The following CEP135 variants were observed in gnomAD, a reference collection of about 807,000 sequenced individuals.
CEP135 encodes the protein centrosomal protein of 135 kDa.
CEP135 carries 142 observed loss-of-function variants against 157.3 expected under a neutral mutation model. That is an observed-to-expected ratio of 0.90 (90% CI 0.79 to 1.04). The LOEUF is 1.04. Ranked by LOEUF, CEP135 falls within the 50% of genes least tolerant of loss-of-function variation. The pLI, the probability that CEP135 is intolerant of heterozygous loss-of-function variation, is 0.00. For missense variants in CEP135, 1,317 were observed against 1,309.2 expected, an observed-to-expected ratio of 1.01 and a Z score of -0.09; for synonymous variants, 396 against 439.8, an observed-to-expected ratio of 0.90 and a Z score of 1.25.
At chr4:56,030,910 A>G (rs1383716178) in intron 25 of CEP135, among the ~76,000 whole-genome samples, 5 of 152,184 alleles carry the variant, frequency 3.3e-5, no homozygotes, top group African/African-American at 1.2e-4. Flanking sequence ...TGGGAGGCCA[A>G]AGTGAGAGGA....
chr4:55,997,320 G>C lies in CEP135; in HGVS notation c.2010-1982G>C, dbSNP rs527925328. Among the ~76,000 whole-genome samples the C allele has an allele frequency of 3.9e-5, 6 of 151,970 alleles. No individual in the cohort carries two copies. The East Asian group carries it at 1.2e-3, about 29-fold the overall frequency. ...TATAAAAAGACGAAGCTACTTTTAGGGCCCACCTAAGGGCTTCCTTTATAT... is the reference window on the plus strand; with the variant it reads ...TATAAAAAGACGAAGCTACTTTTAGCGCCCACCTAAGGGCTTCCTTTATAT... On this transcript the variant is annotated intron_variant, in intron 15 of 25. Coordinates refer to ENST00000257287, the MANE Select transcript of CEP135 (RefSeq NM_025009.5).
intron 14 of CEP135, among the ~76,000 whole-genome samples, chr4:55,989,652 G>A (rs1258192378): frequency 6.6e-6 from 1 of 152,168 alleles, no homozygotes; most frequent in Non-Finnish European, 1.5e-5. Context: ...AGCCTCAACA[G>A]AAGATGTGAA....
chr4:56,001,322 A>T (rs1426265608), intron 17 of CEP135, among the ~76,000 whole-genome samples: 1 of 152,230 alleles, frequency 6.6e-6, no homozygotes, highest in African/African-American at 2.4e-5. Flanking sequence ...TACACAGACA[A>T]TATTTGTCCA....
At position 55,971,372 on chromosome 4, in the gene CEP135, A is replaced by C. The variant is rs372571768; in HGVS notation, c.1213A>C (p.Arg405=). The C allele has an allele frequency of 6.2e-7, 1 of 1,601,322 alleles. No individual in the cohort carries two copies. The highest frequency in any genetic ancestry group is 8.5e-7 in the Non-Finnish European group (1 of 1,175,616). Residue 405 remains arginine, a synonymous_variant, in exon 10 of 26, where the codon AGA becomes CGA. Transcript: ENST00000257287. ...VVHQLEQEKQ[R]LSKKVESFAV... ...TCATCAGCTTGAACAAGAAAAGCAA[A>C]GACTTAGCAAAAAAGTTGAAAGTTT...
intron 11 of CEP135, among the ~76,000 whole-genome samples, chr4:55,978,166 CA>C (rs2109679912): frequency 6.6e-6 from 1 of 152,150 alleles, no homozygotes; most frequent in South Asian, 2.1e-4. Flanking sequence ...AGTAAATGTT[CA>C]GGGAACTCAT....
intron 14 of CEP135, among the ~76,000 whole-genome samples, chr4:55,986,150 A>C (rs1729573308): frequency 6.6e-6 from 1 of 152,170 alleles, no homozygotes; most frequent in African/African-American, 2.4e-5. Context: ...AAATTAAATG[A>C]GTTAATACAT....
chr4:55,993,003 A>G (rs1478183017), intron 15 of CEP135, among the ~76,000 whole-genome samples: 2 of 152,236 alleles, frequency 1.3e-5, no homozygotes, highest in Non-Finnish European at 2.9e-5. Flanking sequence ...AAGATTTTCA[A>G]ATGTCAGCAA....
intron 17 of CEP135, among the ~76,000 whole-genome samples, chr4:56,007,419 T>G (rs1199506243): frequency 6.6e-6 from 1 of 152,168 alleles, no homozygotes; most frequent in Non-Finnish European, 1.5e-5. Flanking sequence ...AGCTAAGGGT[T>G]TGTGCCCAGG....
chr4:56,016,779 G>C (rs766459627), intron 21 of CEP135, among the ~76,000 whole-genome samples: 1 of 151,954 alleles, frequency 6.6e-6, no homozygotes, highest in Non-Finnish European at 1.5e-5. Context: ...GGGCTCAGGT[G>C]ATCTCCCGCC....
At chr4:55,955,593 A>G (rs1274214438) in intron 4 of CEP135, among the ~76,000 whole-genome samples, 3 of 152,238 alleles carry the variant, frequency 2.0e-5, no homozygotes. Context: ...AGATTAAGGC[A>G]AAAAAGAGGA....
chr4:55,975,402 G>A (rs1168951265), intron 11 of CEP135, among the ~76,000 whole-genome samples: 1 of 152,196 alleles, frequency 6.6e-6, no homozygotes, highest in Middle Eastern at 3.2e-3. Context: ...TACTGACCAA[G>A]CATCTTCTCT....
rs1423072303 is a variant in CEP135 at position 56,003,720 on chromosome 4, TG to T, written c.2280+4076del. Among the ~76,000 whole-genome samples, 967 of 151,852 alleles carry T rather than the reference TG, an allele frequency of 6.4e-3. 14 individuals are homozygous for T. The highest frequency in any genetic ancestry group is 0.022 in the African/African-American group (906 of 41,368). On this transcript the variant is annotated intron_variant, in intron 17 of 25. Coordinates refer to ENST00000257287, the MANE Select transcript of CEP135 (RefSeq NM_025009.5). ...GTTTATTTGAAATCTTTTTTTGTTT[TG>T]TTTTTTTTTTTGTTTTTGAGACAGA...
In CEP135 at chr4:55,957,491, C is replaced by T. The variant is rs186857421; in HGVS notation, c.614+127C>T. The T allele has an allele frequency of 3.9e-4, 285 of 723,464 alleles. 1 individual carries two copies. The African/African-American group carries it at 4.9e-3, about 12-fold the overall frequency. The allele number at this position is 723,464 out of a possible 1,614,324, so 44.8% of individuals were successfully genotyped here. ...CAGTGTCTAGCACAGAACTTTGCACCGGCACTCAGTAAATACTTCCAGATT... is the reference window on the plus strand; with the variant it reads ...CAGTGTCTAGCACAGAACTTTGCACTGGCACTCAGTAAATACTTCCAGATT... On this transcript the variant is annotated intron_variant, in intron 5 of 25. Coordinates refer to ENST00000257287, the MANE Select transcript of CEP135 (RefSeq NM_025009.5).
intron 25 of CEP135, among the ~76,000 whole-genome samples, chr4:56,025,433 G>A (rs1048822742): frequency 6.6e-6 from 1 of 152,188 alleles, no homozygotes; most frequent in South Asian, 2.1e-4. Flanking sequence ...AGAAACAGTA[G>A]TACACATGGT....
intron 1 of CEP135, among the ~76,000 whole-genome samples, chr4:55,950,583 G>A (rs1728333402): frequency 1.3e-5 from 2 of 151,680 alleles, no homozygotes; most frequent in South Asian, 4.2e-4. Flanking sequence ...TCAGGAGTTG[G>A]AGACCAGCCT....
At chr4:55,991,067 C>T (rs1035354914) in intron 14 of CEP135, among the ~76,000 whole-genome samples, 3 of 152,040 alleles carry the variant, frequency 2.0e-5, no homozygotes, top group Non-Finnish European at 4.4e-5. Flanking sequence ...CCTCTGCCAC[C>T]AGGGTTCAAG....
At chr4:55,988,530 C>G (rs768515020) in intron 14 of CEP135, among the ~76,000 whole-genome samples, 1 of 151,926 alleles carries the variant, frequency 6.6e-6, no homozygotes, top group Non-Finnish European at 1.5e-5. Context: ...TGAGGTGGCA[C>G]GCGCCTGTAG....
At position 56,011,899 on chromosome 4, in the gene CEP135, T is replaced by G; in HGVS notation, c.2716T>G (p.Ser906Ala). 6.2e-7 allele frequency: 1 copy of G among 1,606,368 alleles called. No homozygotes were observed. The highest frequency in any genetic ancestry group is 8.5e-7 in the Non-Finnish European group (1 of 1,176,114). ...CCATCAAGCTGAGGGAGAAAGCAGC[T>G]CAGTTCGACTGGAACTTCTTTCTAT... ...KAHQAEGESS[S>A]VRLELLSIDT... The change falls in exon 21 of 26, where the codon TCA (serine) becomes GCA (alanine). Residue 906 changes from serine to alanine, a missense_variant. Physicochemically the swap from Ser to Ala is moderately conservative, Grantham distance 99. Transcript: ENST00000257287.
intron 14 of CEP135, among the ~76,000 whole-genome samples, chr4:55,991,137 A>G (rs1577891107): frequency 6.6e-6 from 1 of 152,210 alleles, no homozygotes; most frequent in South Asian, 2.1e-4. Flanking sequence ...CACCACGCCT[A>G]GCTAATTTTT....
Sources: gnomAD v4.1 joint callset for allele counts (sites outside exome capture counted in the v4.1 genomes callset) on GRCh38, gnomAD v4.1.1 for gene constraint, MANE v1.5 for transcripts, NCBI Gene and HGNC (gene_info 2026-07-23, HGNC 2026-07-21) for gene names.